ADGRG6: variants seen among roughly 807,000 people sequenced by gnomAD.
The protein encoded by ADGRG6 is G-protein coupled receptor 126.
Under a neutral mutation model 142.4 loss-of-function variants are expected in ADGRG6, and 84 were observed. The ratio of observed to expected loss-of-function variants is 0.59; its 90% CI spans 0.49 to 0.71. ADGRG6 has a LOEUF of 0.71. ADGRG6 is among the 30% of genes least tolerant of loss of function. The pLI is 0.00. For missense variants in ADGRG6, 1,367 were observed against 1,466.6 expected, an observed-to-expected ratio of 0.93 and a Z score of 1.11; for synonymous variants, 521 against 520.5, an observed-to-expected ratio of 1.00 and a Z score of -0.01.
In ADGRG6 at chr6:142,302,354, G is replaced by A. The variant is rs368510266; in HGVS notation, c.2+23G>A. 6 of 1,611,798 alleles carry A rather than the reference G, an allele frequency of 3.7e-6. No individual in the cohort carries two copies. The African/African-American group carries it at 4.0e-5, about 11-fold the overall frequency. On this transcript the variant is annotated intron_variant, in intron 1 of 24. Transcript: ENST00000367609. ...CATGTAAGTCTCACCTTTCAGCTTG[G>A]AATTCCTTCACTCTTTTATCTGTGT...
chr6:142,302,195 G>C lies in ADGRG6; in HGVS notation c.-135G>C, dbSNP rs943718219. On this transcript the variant is annotated 5_prime_UTR_variant, in exon 1 of 25. Transcript: ENST00000367609. ...AAAGCCCATGAACTCTCCAGAAACG[G>C]CGTAAAGGAGGGTCCCGCCGCGGCG... 2.2e-5 allele frequency: 21 copies of C among 945,530 alleles called. No individual in the cohort carries two copies. The highest frequency in any genetic ancestry group is 3.3e-5 in the African/African-American group (2 of 59,982). 58.6% of individuals were successfully genotyped at this position (945,530 alleles called of 1,614,324 possible).
chr6:142,431,430 T>C (rs568779618), intron 22 of ADGRG6, among the ~76,000 whole-genome samples: 5 of 152,306 alleles, frequency 3.3e-5, no homozygotes, highest in African/African-American at 1.2e-4. Context: ...CTTTTCAGGA[T>C]GATGTAAAAG....
intron 24 of ADGRG6, among the ~76,000 whole-genome samples, chr6:142,439,556 C>G (rs1040649556): frequency 6.6e-6 from 1 of 152,170 alleles, no homozygotes; most frequent in Non-Finnish European, 1.5e-5. Context: ...GGGGTGGCCA[C>G]TGCCTGGGAT....
intron 6 of ADGRG6, among the ~76,000 whole-genome samples, chr6:142,385,678 A>C (rs1440171356): frequency 6.6e-6 from 1 of 152,208 alleles, no homozygotes; most frequent in Non-Finnish European, 1.5e-5. Context: ...CTCACATCTT[A>C]GCGCCTGAAG....
intron 22 of ADGRG6, among the ~76,000 whole-genome samples, chr6:142,431,364 G>T (rs546819264): frequency 1.3e-5 from 2 of 152,190 alleles, no homozygotes; most frequent in East Asian, 3.9e-4. Context: ...CACCAAAAAA[G>T]GTCTATCATG....
chr6:142,366,489 G>A (rs889259935), intron 2 of ADGRG6, among the ~76,000 whole-genome samples: 1 of 152,088 alleles, frequency 6.6e-6, no homozygotes, highest in African/African-American at 2.4e-5. Context: ...AACCAGCATC[G>A]CTAACATTGA....
chr6:142,443,355 AGT>A lies in ADGRG6; in HGVS notation c.3594_3595del (p.Lys1198AsnfsTer9). On this transcript the variant is annotated frameshift_variant, in exon 25 of 25. Coordinates refer to ENST00000367609, the MANE Select transcript of ADGRG6 (RefSeq NM_198569.3). LOFTEE classifies it high-confidence loss of function. ...CTTGCAGACAGTGCTTCCATGGACA[AGT>A]CCTTGTCAAAACTGGCCCATGCTGA... 6.2e-7 allele frequency: 1 copy of A among 1,610,752 alleles called. No individual in the cohort carries two copies. Among genetic ancestry groups the A allele is most frequent in the Non-Finnish European group, 8.5e-7 (1 of 1,178,422 alleles).
chr6:142,415,744 AG>A (rs1336841596), intron 19 of ADGRG6, 51 bp from the exon 20 acceptor site: 14 of 1,304,604 alleles, frequency 1.1e-5, no homozygotes, highest in Non-Finnish European at 1.4e-5. Flanking sequence ...TGTGCTTAAA[AG>A]ATTGATATAC....
intron 3 of ADGRG6, 101 bp from the exon 4 acceptor site, chr6:142,370,062 GGTAAAAA>G (rs1781160151): frequency 1.2e-6 from 1 of 822,706 alleles, no homozygotes; most frequent in Non-Finnish European, 1.9e-6. Context: ...GCAAATGGTA[GGTAAAAA>G]GTTAACTAGT....
chr6:142,336,292 C>G lies in ADGRG6; in HGVS notation c.103+26648C>G, dbSNP rs1383494360. 2.6e-5 allele frequency among the ~76,000 whole-genome samples: 4 copies of G among 152,202 alleles called. No individual in the cohort carries two copies. The East Asian group carries it at 7.7e-4, about 29-fold the overall frequency. On this transcript the variant is annotated intron_variant, in intron 2 of 24. Transcript: ENST00000367609. ...ACAATCAGGGCATGCTAACATGGAA[C>G]TTTCAGTTCTCTCTGAAATACTGTT...
At chr6:142,402,136 G>A (rs1775555955) in intron 12 of ADGRG6, 78 bp downstream of exon 12, 2 of 712,914 alleles carry the variant, frequency 2.8e-6, no homozygotes, top group Admixed American at 2.4e-5. Context: ...TTGTCTTCGA[G>A]AATATTCTTC....
Position 142,347,600 on chromosome 6 carries a change from G to T in ADGRG6, c.104-19969G>T, listed in dbSNP as rs536874219. Among the ~76,000 whole-genome samples the T allele has an allele frequency of 1.6e-4, 24 of 152,152 alleles. 1 individual carries two copies. In the South Asian group the frequency reaches 3.7e-3, roughly 24 times the overall value. ...TTCTGAGTCATTTGCTTGGATTTTTGTAGTTGGCCCAGTACAGTACTTGGG... is the reference window on the plus strand; with the variant it reads ...TTCTGAGTCATTTGCTTGGATTTTTTTAGTTGGCCCAGTACAGTACTTGGG... On this transcript the variant is annotated intron_variant, in intron 2 of 24. Coordinates refer to ENST00000367609, the MANE Select transcript of ADGRG6 (RefSeq NM_198569.3).
chr6:142,333,777 T>C (rs1166017107), intron 2 of ADGRG6, among the ~76,000 whole-genome samples: 1 of 152,154 alleles, frequency 6.6e-6, no homozygotes, highest in Non-Finnish European at 1.5e-5. Flanking sequence ...ACAATAGATA[T>C]CCATGTCCCT....
intron 2 of ADGRG6, among the ~76,000 whole-genome samples, chr6:142,363,230 T>G (rs1780800946): frequency 6.6e-6 from 1 of 152,168 alleles, no homozygotes; most frequent in Middle Eastern, 3.2e-3. Context: ...GATTTATCTC[T>G]TGGGATCTAA....
At position 142,392,998 on chromosome 6, in the gene ADGRG6, C is replaced by T. The variant is rs762658157; in HGVS notation, c.1359C>T (p.Ile453=). ...ACTACACGGTTTATGTCGTTAATAT[C>T]AGGTAAGACAGAATAAATTATTTGA... ...NWNYTVYVVN[I]SFHLSAGEDK... is the part of the protein sequence containing the mutation. The change falls in exon 8 of 25, where the codon ATC becomes ATT. Residue 453 remains isoleucine (I), a splice_region_variant and synonymous_variant. Transcript: ENST00000367609. 6.7e-7 allele frequency: 1 copy of T among 1,482,168 alleles called. No homozygotes were observed. The highest frequency in any genetic ancestry group is 9.4e-7 in the Non-Finnish European group (1 of 1,061,868). 91.8% of individuals were successfully genotyped at this position (1,482,168 alleles called of 1,614,324 possible).
Position 142,440,959 on chromosome 6 carries a change from C to T in ADGRG6, c.3575-2378C>T, listed in dbSNP as rs1299644743. 2.3e-5 allele frequency: 33 copies of T among 1,457,576 alleles called. No homozygotes were observed. Among genetic ancestry groups the T allele is most frequent in the Non-Finnish European group, 3.0e-5 (33 of 1,084,618 alleles). 90.3% of individuals were successfully genotyped at this position (1,457,576 alleles called of 1,614,324 possible). A position where few individuals can be genotyped will look rare whatever the true frequency, so the allele number is the denominator to read the frequency against. ...AACAAAAGTGGATCACTCAGGTAAA[C>T]TTTCGTTACTTTTTTGAATGCATGA... On this transcript the variant is annotated intron_variant, in intron 24 of 24. Coordinates refer to ENST00000367609, the MANE Select transcript of ADGRG6 (RefSeq NM_198569.3).
At chr6:142,341,590 T>TG (rs573590081) in intron 2 of ADGRG6, among the ~76,000 whole-genome samples, 1 of 123,220 alleles carries the variant, frequency 8.1e-6, no homozygotes, top group African/African-American at 3.1e-5. Flanking sequence ...ATATATAATA[T>TG]TATATATTAT....
At chr6:142,305,332 A>T (rs904134120) in intron 1 of ADGRG6, among the ~76,000 whole-genome samples, 2 of 151,734 alleles carry the variant, frequency 1.3e-5, no homozygotes, top group Non-Finnish European at 2.9e-5. Context: ...ACACACCTCT[A>T]TACCTTTTAC....
chr6:142,321,312 CGT>C, intron 2 of ADGRG6, among the ~76,000 whole-genome samples: 1 of 150,926 alleles, frequency 6.6e-6, no homozygotes, highest in African/African-American at 2.4e-5. Flanking sequence ...CACACACACA[CGT>C]GTATATACTA....
Sources: allele counts gnomAD v4.1 joint callset (sites outside exome capture counted in the v4.1 genomes callset), GRCh38; gene constraint gnomAD v4.1.1; transcripts MANE v1.5; gene names NCBI Gene and HGNC (gene_info 2026-07-23, HGNC 2026-07-21).